Variants in GABRB1 observed in about 807,000 individuals in gnomAD.
The protein encoded by GABRB1 is gamma-aminobutyric acid type A receptor subunit beta1, also known as gamma-aminobutyric acid receptor subunit beta-1.
In GABRB1, 17 loss-of-function variants were observed where a neutral mutation model predicts 51.6. That is an observed-to-expected ratio of 0.33 (90% CI 0.23 to 0.49). The LOEUF is 0.49. GABRB1 is among the 20% of genes least tolerant of loss of function. GABRB1 has a pLI of 0.99. For synonymous variants in GABRB1, 247 were observed against 218.9 expected (o/e 1.13, Z -1.14); for missense variants, 410 against 600.6 (o/e 0.68, Z 3.32).
intron 5 of GABRB1, among the ~76,000 whole-genome samples, chr4:47,379,595 A>G (rs1050542347): frequency 2.0e-5 from 3 of 152,196 alleles, no homozygotes; most frequent in Non-Finnish European, 4.4e-5. Context: ...AACTCATTAT[A>G]AATTGAAAAC....
At chr4:47,348,307 T>A (rs1012742037) in intron 5 of GABRB1, among the ~76,000 whole-genome samples, 1 of 152,210 alleles carries the variant, frequency 6.6e-6, no homozygotes, top group Non-Finnish European at 1.5e-5. Flanking sequence ...AGAAAATGAT[T>A]GCTTGTTGCA....
At chr4:47,163,834 G>C (rs112774880) in intron 4 of GABRB1, among the ~76,000 whole-genome samples, 158 of 152,062 alleles carry the variant, frequency 1.0e-3, no homozygotes, top group African/African-American at 3.3e-3. Flanking sequence ...AAAGTGATTG[G>C]ATGAAACTGT....
intron 3 of GABRB1, among the ~76,000 whole-genome samples, chr4:47,041,217 C>T (rs1272015270): frequency 6.6e-6 from 1 of 152,108 alleles, no homozygotes; most frequent in Non-Finnish European, 1.5e-5. Context: ...TAAAAAGTGA[C>T]TCTCAGGACC....
At chr4:47,384,543 A>T (rs937591308) in intron 5 of GABRB1, among the ~76,000 whole-genome samples, 1 of 152,180 alleles carries the variant, frequency 6.6e-6, no homozygotes, top group Non-Finnish European at 1.5e-5. Context: ...AATACCATAG[A>T]GATATTCTGA....
chr4:47,232,831 T>G (rs1263728540), intron 4 of GABRB1, among the ~76,000 whole-genome samples: 3 of 152,026 alleles, frequency 2.0e-5, no homozygotes, highest in Non-Finnish European at 4.4e-5. Flanking sequence ...TATTTTTTTT[T>G]GTCTCCATTC....
intron 5 of GABRB1, among the ~76,000 whole-genome samples, chr4:47,323,625 T>C (rs139153666): frequency 1.3e-5 from 2 of 152,316 alleles, no homozygotes; most frequent in African/African-American, 2.4e-5. Context: ...GACATCCCAC[T>C]GATGTAAGAT....
chr4:47,076,532 A>G (rs1727556996), intron 3 of GABRB1, among the ~76,000 whole-genome samples: 1 of 152,138 alleles, frequency 6.6e-6, no homozygotes, highest in Non-Finnish European at 1.5e-5. Flanking sequence ...AGCGGCTCTG[A>G]GTTGTTGCTG....
intron 4 of GABRB1, among the ~76,000 whole-genome samples, chr4:47,219,673 C>T (rs1720694933): frequency 6.6e-6 from 1 of 151,874 alleles, no homozygotes; most frequent in African/African-American, 2.4e-5. Flanking sequence ...TCCTATTCCT[C>T]AAACTCTTCA....
chr4:47,072,252 C>G (rs950848966), intron 3 of GABRB1, among the ~76,000 whole-genome samples: 1 of 152,098 alleles, frequency 6.6e-6, no homozygotes, highest in Non-Finnish European at 1.5e-5. Flanking sequence ...TGTGGCTTTA[C>G]CATTTTAAGC....
At chr4:47,049,403 G>A (rs1259982594) in intron 3 of GABRB1, among the ~76,000 whole-genome samples, 1 of 152,152 alleles carries the variant, frequency 6.6e-6, no homozygotes, top group Non-Finnish European at 1.5e-5. Context: ...AGGCTAATCA[G>A]ACGACCAATT....
Position 47,272,175 on chromosome 4 carries a change from C to A in GABRB1, c.462-47952C>A, listed in dbSNP as rs951788049. Among the ~76,000 whole-genome samples the A allele has an allele frequency of 2.0e-5, 3 of 152,080 alleles. No homozygotes were observed. The South Asian group carries it at 6.2e-4, about 32-fold the overall frequency. On this transcript the variant is annotated intron_variant, in intron 4 of 8. Transcript: ENST00000295454. ...TCAACTCCTGTGCTGTATATTCCTG[C>A]ACTTAACTAGTAGATTTTAATAAAA...
intron 3 of GABRB1, among the ~76,000 whole-genome samples, chr4:47,095,901 A>G (rs1425064630): frequency 6.6e-6 from 1 of 152,244 alleles, no homozygotes; most frequent in Admixed American, 6.5e-5. Flanking sequence ...AAAAACATCC[A>G]ATAGACTAAA....
intron 4 of GABRB1, among the ~76,000 whole-genome samples, chr4:47,311,999 A>G (rs529256179): frequency 6.6e-6 from 1 of 151,504 alleles, no homozygotes; most frequent in Admixed American, 6.6e-5. Context: ...GCCCCTTCCC[A>G]GTATTCCAAG....
chr4:47,311,544 A>T (rs963039348), intron 4 of GABRB1, among the ~76,000 whole-genome samples: 4 of 152,066 alleles, frequency 2.6e-5, no homozygotes, highest in Non-Finnish European at 5.9e-5. Context: ...AAGGGTCCAT[A>T]AGCCAAGGAA....
At chr4:47,339,541 A>G (rs1012689951) in intron 5 of GABRB1, among the ~76,000 whole-genome samples, 4 of 148,362 alleles carry the variant, frequency 2.7e-5, no homozygotes, top group African/African-American at 7.4e-5. Context: ...ATGTGTGCAT[A>G]TGTGTGTGTG....
intron 1 of GABRB1, among the ~76,000 whole-genome samples, chr4:47,021,103 A>G (rs1466064216): frequency 1.3e-5 from 2 of 152,146 alleles, no homozygotes; most frequent in South Asian, 2.1e-4. Context: ...TTTTCAACAA[A>G]CAAAACCCTC....
At chr4:47,246,082 C>A (rs1452312340) in intron 4 of GABRB1, among the ~76,000 whole-genome samples, 2 of 149,504 alleles carry the variant, frequency 1.3e-5, no homozygotes, top group African/African-American at 2.4e-5. Context: ...TCTCCCCCCC[C>A]AAGTCCCCAC....
At chr4:47,300,550 A>G (rs1724219773) in intron 4 of GABRB1, among the ~76,000 whole-genome samples, 1 of 152,150 alleles carries the variant, frequency 6.6e-6, no homozygotes, top group South Asian at 2.1e-4. Flanking sequence ...CAATCAAGAC[A>G]CAGCCCCTTT....
chr4:47,316,459 T>C (rs576923445), intron 4 of GABRB1, among the ~76,000 whole-genome samples: 1 of 152,118 alleles, frequency 6.6e-6, no homozygotes, highest in African/African-American at 2.4e-5. Flanking sequence ...TCTACCACAT[T>C]TTCTTTCTCC....
Sources: allele counts gnomAD v4.1 joint callset (sites outside exome capture counted in the v4.1 genomes callset), GRCh38; gene constraint gnomAD v4.1.1; transcripts MANE v1.5; gene names NCBI Gene and HGNC (gene_info 2026-07-23, HGNC 2026-07-21).